IGDCC4: variants seen among roughly 807,000 people sequenced by gnomAD.
IGDCC4 encodes likely ortholog of mouse neighbor of Punc E11.
Under a neutral mutation model 116.6 loss-of-function variants are expected in IGDCC4, and 72 were observed. The observed-to-expected ratio is 0.62, with a 90% CI of 0.51 to 0.75. The LOEUF (loss-of-function observed/expected upper bound fraction) is 0.75, where lower values mean the gene tolerates loss of function less well. IGDCC4 is among the 30% of genes least tolerant of loss of function. The probability of loss-of-function intolerance (pLI) is 0.00; values close to 1 mark genes in which losing one functional copy is unlikely to be tolerated. For synonymous variants in IGDCC4, 709 were observed against 719.9 expected, an observed-to-expected ratio of 0.98 and a Z score of 0.24; for missense variants, 1,501 against 1,662.4, an observed-to-expected ratio of 0.90 and a Z score of 1.69.
Position 65,396,969 on chromosome 15 carries a change from C to T in IGDCC4, c.862G>A (p.Asp288Asn). The change falls in exon 6 of 20, where the codon GAT becomes AAT. Residue 288 changes from aspartate (D) to asparagine (N), a missense_variant. Coordinates refer to ENST00000352385, the MANE Select transcript of IGDCC4 (RefSeq NM_020962.3). ...VRQDGKPIST[D>N]VIVLGRTNLL... ...TTGGTGCGGCCCAGGACGATGACATCTGTGGAGATGGGCTTCCCGTCTGGG... is the reference window on the plus strand; with the variant it reads ...TTGGTGCGGCCCAGGACGATGACATTTGTGGAGATGGGCTTCCCGTCTGGG... 6.3e-7 allele frequency: 1 copy of T among 1,581,286 alleles called. No homozygotes were observed. Among genetic ancestry groups the T allele is most frequent in the Non-Finnish European group, 8.6e-7 (1 of 1,163,308 alleles).
At position 65,381,864 on chromosome 15, in the gene IGDCC4, T is replaced by C. The variant is rs530295627; in HGVS notation, c.*2145A>G. 1 of 152,784 alleles carries C rather than the reference T, an allele frequency of 6.5e-6. No individual in the cohort carries two copies. The highest frequency in any genetic ancestry group is 1.9e-4 in the East Asian group (1 of 5,194). The allele number at this position is 152,784 out of a possible 1,614,324, so 9.5% of individuals were successfully genotyped here. On this transcript the variant is annotated 3_prime_UTR_variant, in exon 20 of 20. Coordinates refer to ENST00000352385, the MANE Select transcript of IGDCC4 (RefSeq NM_020962.3). ...GTGCTAGTGAGAAATGGCCACTTTC[T>C]TATCAACTGTGAGTTATAGGCAGAT...
intron 8 of IGDCC4, among the ~76,000 whole-genome samples, 155 bp from the exon 9 acceptor site, chr15:65,394,703 A>G (rs575480370): frequency 6.6e-6 from 1 of 152,324 alleles, no homozygotes; most frequent in East Asian, 1.9e-4. Context: ...GGGAGCCCCA[A>G]GCTGAAGGAT....
chr15:65,385,639 A>G (rs1201545251), intron 18 of IGDCC4, 192 bp downstream of exon 18: 2 of 667,748 alleles, frequency 3.0e-6, no homozygotes, highest in African/African-American at 3.6e-5. Context: ...AAGCTGACCT[A>G]TTCCGCCGGG....
chr15:65,403,557 C>T (rs979319302), intron 3 of IGDCC4, among the ~76,000 whole-genome samples: 14 of 152,170 alleles, frequency 9.2e-5, no homozygotes, highest in African/African-American at 2.7e-4. Flanking sequence ...AGGTCACAAC[C>T]TCCATTTTAC....
At chr15:65,410,405 T>A in intron 2 of IGDCC4, 86 bp from the exon 3 acceptor site, 1 of 1,503,998 alleles carries the variant, frequency 6.6e-7, no homozygotes, top group South Asian at 1.2e-5. Context: ...CACATCCGCA[T>A]GGAGACACAG....
At chr15:65,407,711 C>A (rs1595790326) in intron 3 of IGDCC4, among the ~76,000 whole-genome samples, 1 of 151,694 alleles carries the variant, frequency 6.6e-6, no homozygotes, top group East Asian at 1.9e-4. Flanking sequence ...ACTGCAAGCT[C>A]CACCTCCCGG....
chr15:65,422,519 AACACAC>A (rs140587709), intron 1 of IGDCC4, among the ~76,000 whole-genome samples: 3,541 of 131,282 alleles, frequency 0.027, 97 homozygotes, highest in African/African-American at 0.075. Flanking sequence ...GAGCACTCCC[AACACAC>A]ACACACACAC....
At position 65,396,408 on chromosome 15, in the gene IGDCC4, T is replaced by G. The variant is rs188317586; in HGVS notation, c.998-245A>C. ...CTCCCAAAACTGTCCCCAGGCCTCC[T>G]CAGCCTCCCCTAAATATTGCTCCTC... is the stretch of plus-strand genomic sequence containing the variant. On this transcript the variant is annotated intron_variant, in intron 6 of 19. Transcript: ENST00000352385. The G allele has an allele frequency of 1.2e-3, 777 of 645,312 alleles. 4 individuals carry two copies. In the African/African-American group the frequency reaches 0.013, roughly 11 times the overall value. The allele number at this position is 645,312 out of a possible 1,614,324, so 40.0% of individuals were successfully genotyped here. A position where few individuals can be genotyped will look rare whatever the true frequency, so the allele number is the denominator to read the frequency against.
At chr15:65,390,103 C>T in intron 13 of IGDCC4, 52 bp downstream of exon 13, 1 of 1,469,608 alleles carries the variant, frequency 6.8e-7, no homozygotes, top group East Asian at 2.3e-5. Flanking sequence ...CACCACCACC[C>T]CCCACCTATT....
At chr15:65,421,648 C>G (rs2063191593) in intron 1 of IGDCC4, among the ~76,000 whole-genome samples, 1 of 152,062 alleles carries the variant, frequency 6.6e-6, no homozygotes, top group Non-Finnish European at 1.5e-5. Flanking sequence ...TCTGGAAAGC[C>G]GCAGCAGCTG....
intron 1 of IGDCC4, among the ~76,000 whole-genome samples, chr15:65,416,139 T>A (rs2140240292): frequency 7.6e-6 from 1 of 130,868 alleles, no homozygotes; most frequent in Non-Finnish European, 1.6e-5. Context: ...GTTTTGACTT[T>A]TTTTTTTTTT....
Position 65,394,507 on chromosome 15 carries a change from G to GC in IGDCC4, c.1617_1618insG (p.Pro540AlafsTer39). The GC allele has an allele frequency of 6.2e-7, 1 of 1,612,804 alleles. No homozygotes were observed. Among genetic ancestry groups the GC allele is most frequent in the Non-Finnish European group, 8.5e-7 (1 of 1,179,216 alleles). On this transcript the variant is annotated frameshift_variant, in exon 9 of 20. Coordinates refer to ENST00000352385, the MANE Select transcript of IGDCC4 (RefSeq NM_020962.3). LOFTEE classifies it high-confidence loss of function. ...AGCCACGCCACCCTGATGTCCGAAG[G>GC]GTTGGGGCTGGACAGGGAGAGCTGG...
At chr15:65,386,411 T>G in intron 17 of IGDCC4, 140 bp downstream of exon 17, 2 of 751,404 alleles carry the variant, frequency 2.7e-6, no homozygotes, top group Non-Finnish European at 4.6e-6. Flanking sequence ...CATCCCTGAT[T>G]CCTTCATCCC....
In IGDCC4 at chr15:65,388,482, G is replaced by T. The variant is rs762218926; in HGVS notation, c.2812C>A (p.Gln938Lys). ...TTCTCCTGGAGCGTGATCACATCCT[G>T]CAGGCGGGAGAAAGGCCCAGGTCCC... ...EVGPGPFSRL[Q>K]DVITLQEKLS... The change falls in exon 16 of 20, where the codon CAG (glutamine) becomes AAG (lysine). Residue 938 changes from glutamine to lysine, a missense_variant. Transcript: ENST00000352385. 6.2e-7 allele frequency: 1 copy of T among 1,614,144 alleles called. No individual in the cohort carries two copies. The highest frequency in any genetic ancestry group is 8.5e-7 in the Non-Finnish European group (1 of 1,180,026).
chr15:65,402,513 G>C (rs2062998105), intron 3 of IGDCC4, 26 bp from the exon 4 acceptor site: 1 of 1,560,570 alleles, frequency 6.4e-7, no homozygotes, highest in South Asian at 1.2e-5. Context: ...GCAGGCAACT[G>C]TGAGGTGGGC....
chr15:65,419,822 G>A lies in IGDCC4; in HGVS notation c.70+2971C>T, dbSNP rs551430547. On this transcript the variant is annotated intron_variant, in intron 1 of 19. Coordinates refer to ENST00000352385, the MANE Select transcript of IGDCC4 (RefSeq NM_020962.3). ...TGATAAGAACAGAGCTCGGCTTCTC[G>A]CCACCTGTTCACAAAGGGGTCCCAG... 1.8e-4 allele frequency among the ~76,000 whole-genome samples: 28 copies of A among 152,306 alleles called. No homozygotes were observed. In the East Asian group the frequency reaches 3.9e-3, roughly 21 times the overall value.
intron 3 of IGDCC4, among the ~76,000 whole-genome samples, chr15:65,407,726 A>G (rs2063053048): frequency 6.6e-6 from 1 of 151,632 alleles, no homozygotes; most frequent in African/African-American, 2.4e-5. Flanking sequence ...TCCCGGGTTC[A>G]AGTGATTCTC....
Position 65,422,876 on chromosome 15 carries a change from G to GGCCGCCGCC in IGDCC4, c.-23_-15dup, listed in dbSNP as rs958636007. On this transcript the variant is annotated 5_prime_UTR_variant, in exon 1 of 20. Transcript: ENST00000352385. ...CCCCCGCGCCATGGGGCTGGGCTCG[G>GGCCGCCGCC]GCCGCCGCCGCCGCCGCCGCCTCCC... 2 of 1,104,088 alleles carry GGCCGCCGCC rather than the reference G, an allele frequency of 1.8e-6. No homozygotes were observed. Among genetic ancestry groups the GGCCGCCGCC allele is most frequent in the Non-Finnish European group, 2.2e-6 (2 of 904,956 alleles). 68.4% of individuals were successfully genotyped at this position (1,104,088 alleles called of 1,614,324 possible).
intron 5 of IGDCC4, among the ~76,000 whole-genome samples, chr15:65,398,405 A>C (rs1019248662): frequency 1.3e-5 from 2 of 151,804 alleles, no homozygotes; most frequent in African/African-American, 4.8e-5. Flanking sequence ...GTGGTGGTGC[A>C]TGCCTGTAAT....
Sources: gnomAD v4.1 joint callset for allele counts (sites outside exome capture counted in the v4.1 genomes callset) on GRCh38, gnomAD v4.1.1 for gene constraint, MANE v1.5 for transcripts, NCBI Gene and HGNC (gene_info 2026-07-23, HGNC 2026-07-21) for gene names.